Variants in GRM7 observed in about 807,000 individuals in gnomAD.
GRM7 encodes the protein glutamate metabotropic receptor 7.
GRM7 carries 35 observed loss-of-function variants against 84.5 expected under a neutral mutation model. That is an observed-to-expected ratio of 0.41 (90% confidence interval 0.32 to 0.55). The LOEUF is 0.55. Among genes scored for constraint, GRM7 ranks in the 20% least tolerant of loss-of-function variants. GRM7 has a pLI of 0.19. For synonymous variants in GRM7, 487 were observed against 455.1 expected (o/e 1.07, Z -0.89); for missense variants, 1,003 against 1,194.6 (o/e 0.84, Z 2.36).
chr3:7,182,564 G>A (rs1411293209), intron 2 of GRM7, among the ~76,000 whole-genome samples: 2 of 152,180 alleles, frequency 1.3e-5, no homozygotes, highest in African/African-American at 4.8e-5. Context: ...TCTACGCTTA[G>A]CTCTTGTTAA....
At chr3:7,346,239 C>G (rs952164759) in intron 4 of GRM7, among the ~76,000 whole-genome samples, 3 of 151,960 alleles carry the variant, frequency 2.0e-5, no homozygotes, top group Non-Finnish European at 2.9e-5. Flanking sequence ...CAGATTTTAA[C>G]AACATTAGCC....
At chr3:7,252,362 T>G (rs998970857) in intron 2 of GRM7, among the ~76,000 whole-genome samples, 1 of 152,152 alleles carries the variant, frequency 6.6e-6, no homozygotes, top group Non-Finnish European at 1.5e-5. Context: ...CCAAAACTTC[T>G]CAGAAGACCA....
At chr3:7,520,766 C>T (rs1361587398) in intron 7 of GRM7, among the ~76,000 whole-genome samples, 1 of 152,092 alleles carries the variant, frequency 6.6e-6, no homozygotes, top group African/African-American at 2.4e-5. Context: ...AAATAGATCC[C>T]ATTTCCCTGA....
At chr3:7,018,359 G>A (rs976365594) in intron 1 of GRM7, among the ~76,000 whole-genome samples, 10 of 152,250 alleles carry the variant, frequency 6.6e-5, no homozygotes, top group African/African-American at 2.2e-4. Flanking sequence ...GGGAAGAGAT[G>A]TGTTATCACA....
intron 4 of GRM7, among the ~76,000 whole-genome samples, chr3:7,344,034 A>C (rs1165926286): frequency 6.6e-6 from 1 of 152,158 alleles, no homozygotes; most frequent in African/African-American, 2.4e-5. Context: ...TCTGACTTGT[A>C]AAATTATTCA....
chr3:7,680,674 G>C (rs930624958), intron 9 of GRM7: 1 of 198,052 alleles, frequency 5.0e-6, no homozygotes, highest in African/African-American at 2.4e-5. Flanking sequence ...AACTGTATCG[G>C]TGGGAATTAA....
At chr3:7,270,049 A>T (rs1698795808) in intron 2 of GRM7, among the ~76,000 whole-genome samples, 4 of 152,240 alleles carry the variant, frequency 2.6e-5, no homozygotes. Flanking sequence ...TCCCACGCCC[A>T]GAGTTTCTGA....
Position 7,115,606 on chromosome 3 carries a change from A to G in GRM7, c.520-30846A>G, listed in dbSNP as rs577507286. ...TCTAAATCAAGGGAAGGGCTAATCTATTATAAATGTTACTCTTCCCTGGAG... is the reference window on the plus strand; with the variant it reads ...TCTAAATCAAGGGAAGGGCTAATCTGTTATAAATGTTACTCTTCCCTGGAG... On this transcript the variant is annotated intron_variant, in intron 1 of 9. Transcript: ENST00000357716. Among the ~76,000 whole-genome samples the G allele has an allele frequency of 2.4e-4, 36 of 152,260 alleles. No homozygotes were observed. The South Asian group carries it at 7.5e-3, about 32-fold the overall frequency.
intron 1 of GRM7, among the ~76,000 whole-genome samples, chr3:7,067,280 C>T (rs1697702606): frequency 6.6e-6 from 1 of 151,904 alleles, no homozygotes; most frequent in African/African-American, 2.4e-5. Context: ...CCTACGGACT[C>T]CTCCAGAAAG....
chr3:7,344,444 T>A (rs2125083405), intron 4 of GRM7, among the ~76,000 whole-genome samples: 1 of 152,184 alleles, frequency 6.6e-6, no homozygotes, highest in Admixed American at 6.5e-5. Flanking sequence ...TATGGCTGCA[T>A]AGTATTCCAT....
chr3:7,547,515 A>G (rs1241644954), intron 7 of GRM7, among the ~76,000 whole-genome samples: 1 of 152,142 alleles, frequency 6.6e-6, no homozygotes. Flanking sequence ...AGAGTGAATT[A>G]TTAATAGCTA....
Position 7,463,651 on chromosome 3 carries a change from A to G in GRM7, c.1515+1929A>G, listed in dbSNP as rs140759445. On this transcript the variant is annotated intron_variant, in intron 7 of 9. Coordinates refer to ENST00000357716, the MANE Select transcript of GRM7 (RefSeq NM_000844.4). ...GGTAGAGAGGATAATGGAGGTAGAA[A>G]AGGAAGGACCTACTACAAGAGAAGC... Among the ~76,000 whole-genome samples, 324 of 152,242 alleles carry G rather than the reference A, an allele frequency of 2.1e-3. 2 individuals carry two copies. Among genetic ancestry groups the G allele is most frequent in the African/African-American group, 7.5e-3 (313 of 41,558 alleles).
rs1575302677 is a variant in GRM7 at position 7,414,882 on chromosome 3, G to A, written c.1034-141G>A. On this transcript the variant is annotated intron_variant, in intron 4 of 9. Transcript: ENST00000357716. ...CAATTAGAATATTTTTCCTCCTTCT[G>A]TTAATTTTTTTTTTTTTCGGTCGAC... 6 of 585,228 alleles carry A rather than the reference G, an allele frequency of 1.0e-5. No homozygotes were observed. In the East Asian group the frequency reaches 1.8e-4, roughly 17 times the overall value. The allele number at this position is 585,228 out of a possible 1,614,324, so 36.3% of individuals were successfully genotyped here. A position where few individuals can be genotyped will look rare whatever the true frequency, so the allele number is the denominator to read the frequency against.
Position 7,352,290 on chromosome 3 carries a change from A to C in GRM7, c.1033+45638A>C, listed in dbSNP as rs191606764. On this transcript the variant is annotated intron_variant, in intron 4 of 9. Coordinates refer to ENST00000357716, the MANE Select transcript of GRM7 (RefSeq NM_000844.4). ...AATGCATTTGATATTCCTAATCACT[A>C]CTTATAAGAAGCAAGGAGTTCAGTG... 2.4e-3 allele frequency among the ~76,000 whole-genome samples: 361 copies of C among 152,192 alleles called. 7 individuals are homozygous for C. The highest frequency in any genetic ancestry group is 6.8e-4 in the Non-Finnish European group (46 of 68,010).
At chr3:7,237,140 T>C (rs1357996479) in intron 2 of GRM7, among the ~76,000 whole-genome samples, 1 of 152,170 alleles carries the variant, frequency 6.6e-6, no homozygotes, top group East Asian at 1.9e-4. Context: ...AAGAGGTGCC[T>C]GCCAGCAAGT....
intron 1 of GRM7, among the ~76,000 whole-genome samples, chr3:6,901,121 T>C (rs1029756735): frequency 6.6e-6 from 1 of 152,142 alleles, no homozygotes; most frequent in Non-Finnish European, 1.5e-5. Flanking sequence ...TATTTAGGAG[T>C]TAGCCAGGGG....
chr3:7,292,370 G>T (rs925184325), intron 2 of GRM7, among the ~76,000 whole-genome samples: 1 of 152,004 alleles, frequency 6.6e-6, no homozygotes, highest in Non-Finnish European at 1.5e-5. Context: ...TTAATCTGTG[G>T]AGTATGTGAG....
At chr3:6,981,408 C>A (rs1363800419) in intron 1 of GRM7, among the ~76,000 whole-genome samples, 1 of 152,068 alleles carries the variant, frequency 6.6e-6, no homozygotes, top group Non-Finnish European at 1.5e-5. Flanking sequence ...ATCTCCCATC[C>A]CTGCTAAAAA....
chr3:7,568,794 C>T (rs1334436404), intron 7 of GRM7, among the ~76,000 whole-genome samples: 1 of 152,152 alleles, frequency 6.6e-6, no homozygotes, highest in Non-Finnish European at 1.5e-5. Flanking sequence ...CCCACTGGCG[C>T]TGCGCTTGAT....
Sources: gnomAD v4.1 joint callset for allele counts (sites outside exome capture counted in the v4.1 genomes callset) on GRCh38, gnomAD v4.1.1 for gene constraint, MANE v1.5 for transcripts, NCBI Gene and HGNC (gene_info 2026-07-23, HGNC 2026-07-21) for gene names.